Variants in GRIK1 observed in about 807,000 individuals in gnomAD.
GRIK1 encodes the protein glutamate receptor ionotropic, kainate 1.
Under a neutral mutation model 105.7 loss-of-function variants are expected in GRIK1, and 69 were observed. The observed-to-expected ratio is 0.65, with a 90% confidence interval of 0.54 to 0.80. The LOEUF is 0.80. GRIK1 is among the 30% of genes least tolerant of loss of function. GRIK1 has a pLI of 0.00. For synonymous variants in GRIK1, 438 were observed against 431.3 expected, an observed-to-expected ratio of 1.02 and a Z score of -0.19; for missense variants, 1,109 against 1,167.3, an observed-to-expected ratio of 0.95 and a Z score of 0.73.
At chr21:29,793,395 A>G (rs1381050946) in intron 1 of GRIK1, among the ~76,000 whole-genome samples, 2 of 152,112 alleles carry the variant, frequency 1.3e-5, no homozygotes, top group Non-Finnish European at 2.9e-5. Context: ...TCCATATGTA[A>G]CAGCCCTGCT....
intron 15 of GRIK1, among the ~76,000 whole-genome samples, chr21:29,557,779 T>C (rs2090293864): frequency 1.3e-5 from 2 of 152,158 alleles, no homozygotes; most frequent in East Asian, 3.8e-4. Context: ...ATTAGCACCA[T>C]TGATATACCC....
At position 29,591,230 on chromosome 21, in the gene GRIK1, A is replaced by G. The variant is rs771494070; in HGVS notation, c.1252-5T>C. ...GTTGGAATTCCAAATCCCAATCTAC[A>G]CAGAACACAGTACATCAGAGGCTGC... On this transcript the variant is annotated splice_region_variant and splice_polypyrimidine_tract_variant and intron_variant, in intron 9 of 17. Transcript: ENST00000327783. 2 of 1,501,432 alleles carry G rather than the reference A, an allele frequency of 1.3e-6. No homozygotes were observed. Among genetic ancestry groups the G allele is most frequent in the South Asian group, 1.1e-5 (1 of 88,838 alleles). The allele number at this position is 1,501,432 out of a possible 1,614,324, so 93.0% of individuals were successfully genotyped here. A position where few individuals can be genotyped will look rare whatever the true frequency, so the allele number is the denominator to read the frequency against.
intron 7 of GRIK1, among the ~76,000 whole-genome samples, chr21:29,619,775 A>G (rs2061944789): frequency 6.6e-6 from 1 of 152,222 alleles, no homozygotes; most frequent in Non-Finnish European, 1.5e-5. Flanking sequence ...GTAGAACAGA[A>G]GCAGCAACAG....
At chr21:29,802,044 C>T (rs1030794276) in intron 1 of GRIK1, among the ~76,000 whole-genome samples, 1 of 152,122 alleles carries the variant, frequency 6.6e-6, no homozygotes, top group Non-Finnish European at 1.5e-5. Context: ...TGGATGGAAC[C>T]ATTTCAGAAG....
chr21:29,667,656 G>A (rs2063086708), intron 4 of GRIK1, among the ~76,000 whole-genome samples: 1 of 152,194 alleles, frequency 6.6e-6, no homozygotes, highest in South Asian at 2.1e-4. Flanking sequence ...CAGGTTTTCT[G>A]AGTGGGAAAC....
chr21:29,630,893 G>C lies in GRIK1; in HGVS notation c.1098+11933C>G, dbSNP rs187501343. 79 of 302,400 alleles carry C rather than the reference G, an allele frequency of 2.6e-4. 2 individuals are homozygous for C. Among genetic ancestry groups the C allele is most frequent in the African/African-American group, 1.7e-3 (78 of 44,844 alleles). 18.7% of individuals were successfully genotyped at this position (302,400 alleles called of 1,614,324 possible). ...TGGCTGTTTGCAACCTCTGCCTCCC[G>C]GGTTCAAGTGATCCTCCCACCCTCT... On this transcript the variant is annotated intron_variant, in intron 7 of 17. Coordinates refer to ENST00000327783, the MANE Select transcript of GRIK1 (RefSeq NM_001330994.2).
chr21:29,635,784 T>C (rs1022322361), intron 7 of GRIK1, among the ~76,000 whole-genome samples: 2 of 152,148 alleles, frequency 1.3e-5, no homozygotes, highest in African/African-American at 4.8e-5. Context: ...AATGGGACTG[T>C]CTAAAGGGGT....
chr21:29,888,200 T>TTTCTTC (rs1334429767), intron 1 of GRIK1, among the ~76,000 whole-genome samples: 3 of 31,602 alleles, frequency 9.5e-5, no homozygotes, highest in African/African-American at 1.3e-4. Flanking sequence ...TTTCTTTCTC[T>TTTCTTC]CTCTCTCTCT....
At chr21:29,697,753 A>T (rs1230339319) in intron 1 of GRIK1, among the ~76,000 whole-genome samples, 5 of 152,136 alleles carry the variant, frequency 3.3e-5, no homozygotes, top group African/African-American at 9.7e-5. Context: ...CTTCAGATAC[A>T]ACAAAACGAG....
intron 6 of GRIK1, among the ~76,000 whole-genome samples, chr21:29,643,699 C>A (rs363589): frequency 0.033 from 4,560 of 136,232 alleles, 59 homozygotes; most frequent in East Asian, 0.07. Flanking sequence ...CATAATACAG[C>A]ATTTTATAAA....
chr21:29,848,489 A>G (rs2068197273), intron 1 of GRIK1, among the ~76,000 whole-genome samples: 1 of 152,018 alleles, frequency 6.6e-6, no homozygotes. Flanking sequence ...TACACAAACT[A>G]TCACTTTTGT....
chr21:29,568,540 A>G (rs886226893), intron 14 of GRIK1, among the ~76,000 whole-genome samples: 1 of 152,244 alleles, frequency 6.6e-6, no homozygotes, highest in Non-Finnish European at 1.5e-5. Flanking sequence ...CAAGTCTTTT[A>G]TGATGTTTTA....
At chr21:29,718,636 AT>A (rs1196565863) in intron 1 of GRIK1, among the ~76,000 whole-genome samples, 1 of 152,210 alleles carries the variant, frequency 6.6e-6, no homozygotes, top group Non-Finnish European at 1.5e-5. Context: ...TGCTTAAGCA[AT>A]ACATTTATTA....
At chr21:29,581,570 T>C (rs2091024463) in intron 12 of GRIK1, 27 bp from the exon 13 acceptor site, 1 of 1,334,564 alleles carries the variant, frequency 7.5e-7, no homozygotes, top group African/African-American at 1.4e-5. Flanking sequence ...AAACAGTCTG[T>C]AAATATCAGA....
chr21:29,863,406 A>G (rs1273879921), intron 1 of GRIK1, among the ~76,000 whole-genome samples: 3 of 152,204 alleles, frequency 2.0e-5, no homozygotes, highest in Non-Finnish European at 4.4e-5. Flanking sequence ...CAAAACTACA[A>G]GCTCACTGTA....
intron 4 of GRIK1, among the ~76,000 whole-genome samples, chr21:29,671,931 T>C (rs1423726270): frequency 6.6e-6 from 1 of 152,142 alleles, no homozygotes; most frequent in African/African-American, 2.4e-5. Flanking sequence ...TAGTTGCCAG[T>C]AGAGTGCCCT....
chr21:29,689,144 G>A (rs1490948547), intron 3 of GRIK1, among the ~76,000 whole-genome samples: 1 of 151,964 alleles, frequency 6.6e-6, no homozygotes, highest in Non-Finnish European at 1.5e-5. Context: ...AAATGGGGGC[G>A]GGTCAGAGAT....
chr21:29,858,092 G>T (rs1014406212), intron 1 of GRIK1, among the ~76,000 whole-genome samples: 9 of 152,070 alleles, frequency 5.9e-5, no homozygotes, highest in Non-Finnish European at 1.3e-4. Context: ...GTAGAGAAGG[G>T]TTTCACTATG....
intron 1 of GRIK1, among the ~76,000 whole-genome samples, chr21:29,886,463 C>A (rs2069633330): frequency 6.6e-6 from 1 of 152,162 alleles, no homozygotes; most frequent in East Asian, 1.9e-4. Flanking sequence ...ACACTTCTGT[C>A]AGGAAGAAAA....
Sources: allele counts gnomAD v4.1 joint callset (sites outside exome capture counted in the v4.1 genomes callset), GRCh38; gene constraint gnomAD v4.1.1; transcripts MANE v1.5; gene names NCBI Gene and HGNC (gene_info 2026-07-23, HGNC 2026-07-21).